Variants in PTPRN2 observed in about 807,000 individuals in gnomAD.
PTPRN2 encodes protein tyrosine phosphatase receptor type N2, also known as receptor-type tyrosine-protein phosphatase N2.
Under a neutral mutation model 118.8 loss-of-function variants are expected in PTPRN2, and 74 were observed. The observed-to-expected ratio is 0.62, with a 90% CI of 0.52 to 0.76. The LOEUF (loss-of-function observed/expected upper bound fraction) is 0.76. Ranked by LOEUF, PTPRN2 falls within the 30% of genes least tolerant of loss-of-function variation. The pLI is 0.00. For synonymous variants in PTPRN2, 641 were observed against 608.0 expected (o/e 1.05, Z -0.80); for missense variants, 1,481 against 1,394.4 (o/e 1.06, Z -0.99).
intron 21 of PTPRN2, among the ~76,000 whole-genome samples, chr7:157,564,719 T>G (rs149758666): frequency 1.1e-4 from 16 of 152,328 alleles, no homozygotes; most frequent in African/African-American, 3.8e-4. Context: ...AGATGCATGC[T>G]AAAACCACAT....
Position 157,779,913 on chromosome 7 carries a change from CA to C in PTPRN2, c.1789-96977del, listed in dbSNP as rs910025515. ...CCATCGACGTACAACACGCCGCAAG[CA>C]GCCCTCGAGGAATGGAAAACTCTCA... On this transcript the variant is annotated intron_variant, in intron 12 of 22. Coordinates refer to ENST00000389418, the MANE Select transcript of PTPRN2 (RefSeq NM_002847.5). The surrounding 1 kb of genome is among the most constrained non-coding windows in gnomAD (Gnocchi z 4.7). Among the ~76,000 whole-genome samples the C allele has an allele frequency of 5.3e-5, 8 of 152,196 alleles. No homozygotes were observed. Among genetic ancestry groups the C allele is most frequent in the African/African-American group, 1.7e-4 (7 of 41,440 alleles).
intron 12 of PTPRN2, among the ~76,000 whole-genome samples, chr7:157,756,506 G>A (rs1474436008): frequency 3.3e-5 from 5 of 152,086 alleles, no homozygotes; most frequent in Non-Finnish European, 7.4e-5. Context: ...TGTTGGCCAG[G>A]TTGGTCTCAG....
At chr7:158,050,604 C>T (rs1809251624) in intron 11 of PTPRN2, among the ~76,000 whole-genome samples, 1 of 152,224 alleles carries the variant, frequency 6.6e-6, no homozygotes, top group African/African-American at 2.4e-5. Context: ...TGCACACCCT[C>T]CCAGGTGCCA....
At chr7:158,111,025 C>A in intron 9 of PTPRN2, 110 bp from the exon 10 acceptor site, 1 of 920,248 alleles carries the variant, frequency 1.1e-6, no homozygotes. Context: ...ACACACCCTG[C>A]TCTCCTGGCC....
intron 3 of PTPRN2, among the ~76,000 whole-genome samples, chr7:158,276,018 C>A (rs1013679099): frequency 6.6e-6 from 1 of 152,182 alleles, no homozygotes; most frequent in Admixed American, 6.5e-5. Flanking sequence ...TGCCCTCTGA[C>A]TCTGCTGCCT....
rs1181352131 is a variant in PTPRN2, at chr7:158,071,319, G to T, written c.1723+9979C>A. 2.6e-4 allele frequency among the ~76,000 whole-genome samples: 32 copies of T among 122,360 alleles called. 3 individuals carry two copies. The highest frequency in any genetic ancestry group is 5.0e-4 in the Non-Finnish European group (28 of 56,456). 80.3% of individuals were successfully genotyped at this position (122,360 alleles called of 152,430 possible). ...GCTCGTGGTGGAGGTGCCCATGGTA[G>T]TGGAGGTGCCCATGGTGGTGGAGGT... On this transcript the variant is annotated intron_variant, in intron 11 of 22. Coordinates refer to ENST00000389418, the MANE Select transcript of PTPRN2 (RefSeq NM_002847.5).
Position 158,570,658 on chromosome 7 carries a change from C to T in PTPRN2, c.112+16900G>A, listed in dbSNP as rs998613614. Among the ~76,000 whole-genome samples the T allele has an allele frequency of 1.3e-5, 2 of 152,208 alleles. No individual in the cohort carries two copies. Among genetic ancestry groups the T allele is most frequent in the Admixed American group, 6.5e-5 (1 of 15,282 alleles). Reference sequence around the variant, plus strand: ...CACCCGGCTTGCTGCGGCGTGTCTCCGCCGTAACACGTGTATACCGGCTCA... The same window carrying T: ...CACCCGGCTTGCTGCGGCGTGTCTCTGCCGTAACACGTGTATACCGGCTCA... On this transcript the variant is annotated intron_variant, in intron 1 of 22. Transcript: ENST00000389418. The surrounding 1 kb of genome is among the most constrained non-coding windows in gnomAD (Gnocchi z 4.5).
chr7:158,334,572 CCA>C (rs1805212422), intron 2 of PTPRN2, among the ~76,000 whole-genome samples: 1 of 108,242 alleles, frequency 9.2e-6, no homozygotes, highest in African/African-American at 3.2e-5. Context: ...GAGCTCTCGC[CCA>C]CAGAGGTCAC....
At chr7:157,630,890 C>G (rs1054600088) in intron 14 of PTPRN2, among the ~76,000 whole-genome samples, 1 of 152,224 alleles carries the variant, frequency 6.6e-6, no homozygotes, top group Non-Finnish European at 1.5e-5. Context: ...CATTCCCACA[C>G]GTATCTGCAG....
intron 19 of PTPRN2, chr7:157,574,466 G>C (rs556959084): frequency 1.9e-6 from 1 of 515,972 alleles, no homozygotes; most frequent in East Asian, 5.6e-5. Context: ...ACCGTGAGCA[G>C]CGTTAGTGAG....
At chr7:158,277,130 C>T (rs937692975) in intron 3 of PTPRN2, among the ~76,000 whole-genome samples, 8 of 148,644 alleles carry the variant, frequency 5.4e-5, no homozygotes, top group Non-Finnish European at 9.1e-5. Flanking sequence ...CACACGTGCC[C>T]GCACACGCAC....
chr7:158,527,233 C>G (rs1824852004), intron 1 of PTPRN2, among the ~76,000 whole-genome samples: 1 of 151,918 alleles, frequency 6.6e-6, no homozygotes, highest in African/African-American at 2.4e-5. Flanking sequence ...CCACACCCAG[C>G]TTCTCCACCA....
At chr7:158,337,486 A>G (rs1189919205) in intron 2 of PTPRN2, among the ~76,000 whole-genome samples, 18 of 149,738 alleles carry the variant, frequency 1.2e-4, no homozygotes, top group Non-Finnish European at 2.4e-4. Context: ...AAGAGGTGAC[A>G]CCTGCAGACG....
intron 11 of PTPRN2, among the ~76,000 whole-genome samples, chr7:158,074,134 C>A (rs953159563): frequency 6.6e-6 from 1 of 152,170 alleles, no homozygotes; most frequent in Non-Finnish European, 1.5e-5. Flanking sequence ...GGAAACTCAG[C>A]GACGCCCACA....
At chr7:158,441,481 GTGGTGATGGTGATAGTGA>G (rs1817199330) in intron 2 of PTPRN2, among the ~76,000 whole-genome samples, 1 of 146,152 alleles carries the variant, frequency 6.8e-6, no homozygotes, top group Admixed American at 6.7e-5. Context: ...CATGGCAGTG[GTGGTGATGGTGATAGTGA>G]TGGTGATGGC....
rs187600762 is a variant in PTPRN2 at position 157,891,729 on chromosome 7, G to A, written c.1788+6944C>T. ...CACCCAGAAGCCCAGTGAGCAGCAGGCAACAGAAGCCTGGACCTTGCTGAG... is the reference window on the plus strand; with the variant it reads ...CACCCAGAAGCCCAGTGAGCAGCAGACAACAGAAGCCTGGACCTTGCTGAG... On this transcript the variant is annotated intron_variant, in intron 12 of 22. Coordinates refer to ENST00000389418, the MANE Select transcript of PTPRN2 (RefSeq NM_002847.5). Among the ~76,000 whole-genome samples, 49 of 152,248 alleles carry A rather than the reference G, an allele frequency of 3.2e-4. No homozygotes were observed. The East Asian group carries it at 9.5e-3, about 29-fold the overall frequency.
chr7:158,306,989 C>G (rs1801354492), intron 3 of PTPRN2, among the ~76,000 whole-genome samples: 1 of 151,850 alleles, frequency 6.6e-6, no homozygotes, highest in Admixed American at 6.6e-5. Context: ...GCCTCAGCCT[C>G]CCAAGTAACT....
rs111161552 is a variant in PTPRN2, at chr7:158,070,752, C to T, written c.1723+10546G>A. Among the ~76,000 whole-genome samples, 165 of 86,328 alleles carry T rather than the reference C, an allele frequency of 1.9e-3. 2 individuals carry two copies. The highest frequency in any genetic ancestry group is 2.8e-3 in the Admixed American group (22 of 7,972). 56.6% of individuals were successfully genotyped at this position (86,328 alleles called of 152,430 possible). Reference sequence around the variant, plus strand: ...AGGTGCCCGTGGTGGTGGAGGTGCCCGTGGTGGTGGAGGTGCTCATGGTGG... The same window carrying T: ...AGGTGCCCGTGGTGGTGGAGGTGCCTGTGGTGGTGGAGGTGCTCATGGTGG... On this transcript the variant is annotated intron_variant, in intron 11 of 22. Transcript: ENST00000389418.
chr7:158,361,665 A>AC (rs2151293132), intron 2 of PTPRN2, among the ~76,000 whole-genome samples: 1 of 152,238 alleles, frequency 6.6e-6, no homozygotes, highest in South Asian at 2.1e-4. Flanking sequence ...GCAGATGCCC[A>AC]CCATGGACCT....
Sources: allele counts gnomAD v4.1 joint callset (sites outside exome capture counted in the v4.1 genomes callset), GRCh38; gene constraint gnomAD v4.1.1; non-coding constraint Gnocchi (gnomAD v3.1); transcripts MANE v1.5; gene names NCBI Gene and HGNC (gene_info 2026-07-23, HGNC 2026-07-21).